PDE11A: variants seen among roughly 807,000 people sequenced by gnomAD.
PDE11A encodes dual 3',5'-cyclic-AMP and -GMP phosphodiesterase 11A.
In PDE11A, 100 loss-of-function variants were observed where a neutral mutation model predicts 100.5. That is an observed-to-expected ratio of 1.00 (90% CI 0.85 to 1.18). PDE11A has a LOEUF of 1.18. Ranked by LOEUF, PDE11A falls within the 50% of genes most tolerant of loss-of-function variation. PDE11A has a pLI of 0.00. For synonymous variants in PDE11A, 381 were observed against 420.8 expected, an observed-to-expected ratio of 0.91 and a Z score of 1.16; for missense variants, 1,141 against 1,152.6, an observed-to-expected ratio of 0.99 and a Z score of 0.15.
chr2:177,911,012 G>A (rs748644558), intron 2 of PDE11A, among the ~76,000 whole-genome samples: 6 of 152,118 alleles, frequency 3.9e-5, no homozygotes, highest in Non-Finnish European at 5.9e-5. Flanking sequence ...TCAGCTAAAT[G>A]AACAGGTGAA....
intron 10 of PDE11A, among the ~76,000 whole-genome samples, chr2:177,739,761 T>C (rs2081846047): frequency 6.6e-6 from 1 of 152,184 alleles, no homozygotes; most frequent in Non-Finnish European, 1.5e-5. Context: ...GCAAGATAAA[T>C]AAGAATTTAT....
At chr2:178,096,180 T>TTTTTTTTTTTTTTTTTTTTTTTTTTG (rs2087487793) in intron 2 of PDE11A, among the ~76,000 whole-genome samples, 1 of 147,634 alleles carries the variant, frequency 6.8e-6, no homozygotes, top group African/African-American at 2.5e-5. Context: ...TTTTTTTTTT[T>TTTTTTTTTTTTTTTTTTTTTTTTTTG]TGAGATGGAG....
rs201713605 is a variant in PDE11A at position 178,103,692 on chromosome 2, G to GAT, written c.162+608_162+609dup. 1.5e-3 allele frequency among the ~76,000 whole-genome samples: 228 copies of GAT among 150,488 alleles called. 1 individual carries two copies. Among genetic ancestry groups the GAT allele is most frequent in the African/African-American group, 4.9e-3 (202 of 40,988 alleles). Reference sequence around the variant, plus strand: ...ATATATATATAATCTCAAAAAAGCTGATATATATATATAAAACCATATATA... The same window carrying GAT: ...ATATATATATAATCTCAAAAAAGCTGATATATATATATATAAAACCATATATA... On this transcript the variant is annotated intron_variant, in intron 2 of 20. Transcript: ENST00000358450.
intron 12 of PDE11A, among the ~76,000 whole-genome samples, chr2:177,717,053 A>C (rs927611228): frequency 1.3e-5 from 2 of 152,188 alleles, no homozygotes; most frequent in African/African-American, 4.8e-5. Flanking sequence ...TCTTCCTAGA[A>C]CATTTTCTAT....
At chr2:178,093,236 C>T (rs1272834899) in intron 2 of PDE11A, among the ~76,000 whole-genome samples, 1 of 152,148 alleles carries the variant, frequency 6.6e-6, no homozygotes, top group African/African-American at 2.4e-5. Flanking sequence ...ACATGTTATG[C>T]TTAAGCAGTT....
chr2:177,791,683 C>T (rs953780705), intron 9 of PDE11A, among the ~76,000 whole-genome samples: 2 of 151,906 alleles, frequency 1.3e-5, no homozygotes, highest in African/African-American at 4.8e-5. Context: ...ATATGATCTC[C>T]AAATAAGTAA....
intron 19 of PDE11A, among the ~76,000 whole-genome samples, chr2:177,654,526 A>G (rs1156692267): frequency 1.3e-5 from 2 of 152,186 alleles, no homozygotes; most frequent in African/African-American, 4.8e-5. Context: ...CTCATAAAGA[A>G]AGAAAGAAAA....
At position 177,638,248 on chromosome 2, in the gene PDE11A, C is replaced by T. The variant is rs577829560; in HGVS notation, c.2647-8686G>A. ...TCTCCTGACCTTGTGATCCACCTGC[C>T]TCGCCCTCCCAAAGTGCTGGGATTA... On this transcript the variant is annotated intron_variant, in intron 19 of 19. Coordinates refer to ENST00000286063, the MANE Select transcript of PDE11A (RefSeq NM_016953.4). 2.0e-3 allele frequency among the ~76,000 whole-genome samples: 306 copies of T among 152,062 alleles called. 1 individual carries two copies. The highest frequency in any genetic ancestry group is 7.1e-3 in the African/African-American group (293 of 41,500).
intron 2 of PDE11A, among the ~76,000 whole-genome samples, chr2:177,995,808 G>C (rs2086065651): frequency 6.6e-6 from 1 of 152,012 alleles, no homozygotes; most frequent in Non-Finnish European, 1.5e-5. Context: ...ACTTTTTCTG[G>C]GTAGCCCTGG....
At chr2:177,828,095 G>C (rs192656984) in intron 6 of PDE11A, among the ~76,000 whole-genome samples, 2 of 152,270 alleles carry the variant, frequency 1.3e-5, no homozygotes, top group Non-Finnish European at 2.9e-5. Context: ...TATAGTCTAA[G>C]ATTTTAGAAT....
intron 2 of PDE11A, among the ~76,000 whole-genome samples, chr2:177,916,816 G>A (rs1246994653): frequency 2.0e-5 from 3 of 151,644 alleles, no homozygotes; most frequent in Non-Finnish European, 4.4e-5. Context: ...CTGGAGTGCA[G>A]TGGCACAATC....
intron 6 of PDE11A, among the ~76,000 whole-genome samples, chr2:177,826,046 T>C (rs1191498144): frequency 1.3e-5 from 2 of 152,218 alleles, no homozygotes; most frequent in African/African-American, 4.8e-5. Context: ...TTGGTCATTC[T>C]TGGTTTAACA....
intron 19 of PDE11A, among the ~76,000 whole-genome samples, chr2:177,631,543 ATATACAC>A (rs2079937381): frequency 8.7e-5 from 1 of 11,432 alleles, no homozygotes; most frequent in African/African-American, 1.9e-4. Context: ...ATATATATAT[ATATACAC>A]ATGTATATAT....
chr2:177,736,477 A>G (rs1373664706), intron 10 of PDE11A, among the ~76,000 whole-genome samples: 2 of 151,780 alleles, frequency 1.3e-5, no homozygotes, highest in Admixed American at 6.6e-5. Flanking sequence ...CGAGCACTGC[A>G]CTCCAGCAGG....
chr2:177,770,058 T>G (rs1367464442), intron 9 of PDE11A, among the ~76,000 whole-genome samples: 1 of 152,140 alleles, frequency 6.6e-6, no homozygotes, highest in East Asian at 1.9e-4. Context: ...TCCTCACCTA[T>G]TCTCATTTGC....
At chr2:177,969,809 A>G (rs2085747190) in intron 2 of PDE11A, among the ~76,000 whole-genome samples, 1 of 152,288 alleles carries the variant, frequency 6.6e-6, no homozygotes, top group South Asian at 2.1e-4. Flanking sequence ...CGTGAAGACT[A>G]GTCATTCTAA....
chr2:177,684,871 C>T (rs1413040759), intron 15 of PDE11A, among the ~76,000 whole-genome samples: 1 of 152,172 alleles, frequency 6.6e-6, no homozygotes, highest in East Asian at 1.9e-4. Flanking sequence ...AAAATAACAG[C>T]TGCCCCAAGC....
chr2:178,099,255 G>A (rs569015883), intron 2 of PDE11A, among the ~76,000 whole-genome samples: 24 of 151,858 alleles, frequency 1.6e-4, no homozygotes, highest in Admixed American at 5.2e-4. Context: ...GTGAAACCCC[G>A]TCTCTACTAA....
chr2:177,950,702 G>A (rs1300439983), intron 2 of PDE11A, among the ~76,000 whole-genome samples: 2 of 152,182 alleles, frequency 1.3e-5, no homozygotes, highest in Non-Finnish European at 2.9e-5. Context: ...ACAAGGTCAG[G>A]AGATCGAGAC....
Sources: gnomAD v4.1 joint callset for allele counts (sites outside exome capture counted in the v4.1 genomes callset) on GRCh38, gnomAD v4.1.1 for gene constraint, MANE v1.5 for transcripts, NCBI Gene and HGNC (gene_info 2026-07-23, HGNC 2026-07-21) for gene names.